Variants in EXOC2 observed in about 807,000 individuals in gnomAD.
EXOC2 encodes the protein SEC5-like 1.
Under a neutral mutation model 131.8 loss-of-function variants are expected in EXOC2, and 70 were observed. The ratio of observed to expected loss-of-function variants is 0.53; its 90% CI spans 0.44 to 0.65. The LOEUF is 0.65. Ranked by LOEUF, EXOC2 falls within the 30% of genes least tolerant of loss-of-function variation. EXOC2 has a pLI of 0.00. For synonymous variants in EXOC2, 411 were observed against 398.4 expected (o/e 1.03, Z -0.38); for missense variants, 923 against 1,108.6 (o/e 0.83, Z 2.38).
At chr6:629,716 G>T (rs1467533169) in intron 4 of EXOC2, 119 bp downstream of exon 4, 2 of 1,212,480 alleles carry the variant, frequency 1.6e-6, no homozygotes, top group Non-Finnish European at 2.3e-6. Flanking sequence ...CCAAACAACT[G>T]AGGTGTCTTC....
At chr6:671,020 G>A (rs1369043735) in intron 1 of EXOC2, among the ~76,000 whole-genome samples, 3 of 128,006 alleles carry the variant, frequency 2.3e-5, no homozygotes, top group Non-Finnish European at 4.7e-5. Flanking sequence ...TTCAAGACCA[G>A]CCTGGGTAAC....
intron 22 of EXOC2, among the ~76,000 whole-genome samples, chr6:533,152 C>T (rs1378374110): frequency 2.0e-5 from 3 of 152,018 alleles, no homozygotes; most frequent in Admixed American, 6.6e-5. Context: ...TCCCTTGACA[C>T]GTGGGGATTA....
intron 3 of EXOC2, among the ~76,000 whole-genome samples, chr6:632,680 G>A (rs976505494): frequency 6.6e-6 from 1 of 152,144 alleles, no homozygotes; most frequent in East Asian, 1.9e-4. Context: ...TCAAGTGAAC[G>A]AACAGATTTT....
At chr6:557,200 T>G (rs1243987643) in intron 17 of EXOC2, among the ~76,000 whole-genome samples, 1 of 152,172 alleles carries the variant, frequency 6.6e-6, no homozygotes, top group Non-Finnish European at 1.5e-5. Flanking sequence ...CAGGAATAAG[T>G]AAGACAGAAT....
At chr6:668,751 C>A (rs988028169) in intron 1 of EXOC2, among the ~76,000 whole-genome samples, 1 of 152,240 alleles carries the variant, frequency 6.6e-6, no homozygotes, top group Non-Finnish European at 1.5e-5. Flanking sequence ...AGGTTCCCTA[C>A]ATAAAATTGC....
chr6:616,659 T>C (rs1246160620), intron 6 of EXOC2, among the ~76,000 whole-genome samples: 1 of 148,170 alleles, frequency 6.7e-6, no homozygotes, highest in Non-Finnish European at 1.5e-5. Flanking sequence ...CTGCATCACA[T>C]ACACTGCATC....
At chr6:489,531 G>A (rs1367543250) in intron 26 of EXOC2, among the ~76,000 whole-genome samples, 1 of 152,174 alleles carries the variant, frequency 6.6e-6, no homozygotes, top group Non-Finnish European at 1.5e-5. Flanking sequence ...AAAATGGAGA[G>A]CTATATAGAT....
At chr6:494,904 G>T (rs1763625045) in intron 25 of EXOC2, among the ~76,000 whole-genome samples, 1 of 152,066 alleles carries the variant, frequency 6.6e-6, no homozygotes, top group Non-Finnish European at 1.5e-5. Flanking sequence ...TTTTGAGAAA[G>T]GGTGTCACTC....
chr6:535,180 C>T (rs1766364086), intron 22 of EXOC2, among the ~76,000 whole-genome samples: 1 of 152,014 alleles, frequency 6.6e-6, no homozygotes, highest in African/African-American at 2.4e-5. Flanking sequence ...ACCACCAATG[C>T]CAAAAGTAGG....
At chr6:644,430 C>T (rs910727511) in intron 1 of EXOC2, among the ~76,000 whole-genome samples, 1 of 152,130 alleles carries the variant, frequency 6.6e-6, no homozygotes, top group East Asian at 1.9e-4. Flanking sequence ...GCTTTCCCCC[C>T]TTTCGAACAG....
At chr6:546,451 C>A (rs1348779221) in intron 22 of EXOC2, among the ~76,000 whole-genome samples, 5 of 152,196 alleles carry the variant, frequency 3.3e-5, no homozygotes, top group Admixed American at 3.3e-4. Context: ...AAACAATGTA[C>A]ACTAATCAAC....
chr6:505,236 A>C (rs1237174607), intron 23 of EXOC2, among the ~76,000 whole-genome samples: 3 of 152,206 alleles, frequency 2.0e-5, no homozygotes, highest in African/African-American at 7.2e-5. Context: ...CTGGTTTCAT[A>C]CATAGTCCTT....
At chr6:611,235 G>T (rs1760699410) in intron 6 of EXOC2, among the ~76,000 whole-genome samples, 1 of 152,236 alleles carries the variant, frequency 6.6e-6, no homozygotes, top group Non-Finnish European at 1.5e-5. Context: ...CTTCCATGCT[G>T]CATGTGTGCA....
chr6:555,401 G>A (rs1318202380), intron 19 of EXOC2, 113 bp from the exon 20 acceptor site: 1 of 552,844 alleles, frequency 1.8e-6, no homozygotes, highest in East Asian at 2.9e-5. Context: ...CTCATTAGTG[G>A]TGTGGTGTTG....
chr6:505,880 CACT>C (rs2127495005), intron 23 of EXOC2, among the ~76,000 whole-genome samples: 1 of 152,332 alleles, frequency 6.6e-6, no homozygotes, highest in East Asian at 1.9e-4. Context: ...CTGTCTTGCT[CACT>C]ACTAAGTTCT....
intron 11 of EXOC2, among the ~76,000 whole-genome samples, chr6:587,896 T>C (rs1385738558): frequency 6.6e-6 from 1 of 152,216 alleles, no homozygotes; most frequent in African/African-American, 2.4e-5. Context: ...AGAATCCTTA[T>C]TTCTAAGAAT....
intron 23 of EXOC2, among the ~76,000 whole-genome samples, chr6:514,889 G>C (rs1364068410): frequency 6.6e-6 from 1 of 152,226 alleles, no homozygotes; most frequent in African/African-American, 2.4e-5. Context: ...AGGGCCCTCT[G>C]AGGGCAGGGA....
intron 1 of EXOC2, among the ~76,000 whole-genome samples, chr6:678,378 G>C (rs759915248): frequency 1.2e-4 from 18 of 152,176 alleles, no homozygotes; most frequent in Non-Finnish European, 2.5e-4. Flanking sequence ...GTGTACCAAA[G>C]ATCTCTGCAA....
chr6:656,422 C>A, intron 1 of EXOC2: 1 of 1,614,004 alleles, frequency 6.2e-7, no homozygotes, highest in African/African-American at 1.3e-5. Context: ...TGACTGCCCA[C>A]GTTCGCCATC....
Sources: gnomAD v4.1 joint callset for allele counts (sites outside exome capture counted in the v4.1 genomes callset) on GRCh38, gnomAD v4.1.1 for gene constraint, MANE v1.5 for transcripts, NCBI Gene and HGNC (gene_info 2026-07-23, HGNC 2026-07-21) for gene names.